CCM2L: variants seen among roughly 807,000 people sequenced by gnomAD.
CCM2L encodes the protein CCM2 like scaffold protein, also known as cerebral cavernous malformations 2 protein-like.
CCM2L carries 36 observed loss-of-function variants against 54.1 expected under a neutral mutation model. The observed-to-expected ratio is 0.67, with a 90% CI of 0.51 to 0.88. The LOEUF is 0.88. Ranked by LOEUF, CCM2L falls within the 40% of genes least tolerant of loss-of-function variation. CCM2L has a pLI of 0.00. For synonymous variants in CCM2L, 351 were observed against 359.3 expected, an observed-to-expected ratio of 0.98 and a Z score of 0.26; for missense variants, 700 against 812.1, an observed-to-expected ratio of 0.86 and a Z score of 1.68.
chr20:32,029,741 G>T lies in CCM2L; in HGVS notation c.1305G>T (p.Ala435=), dbSNP rs752352558. The change falls in exon 9 of 10, where the codon GCG becomes GCT. Residue 435 remains alanine, a synonymous_variant. Transcript: ENST00000452892. ...KLGPLEIQQF[A]MLLREYRLGL... ...GGCCCCTCGAGATCCAGCAGTTTGC[G>T]ATGCTGCTGCGGGAGTACCGGCTGG... The T allele has an allele frequency of 2.5e-6, 4 of 1,613,320 alleles. No individual in the cohort carries two copies. In the Admixed American group the frequency reaches 6.7e-5, roughly 27 times the overall value.
chr20:32,029,718 C>A lies in CCM2L; in HGVS notation c.1282C>A (p.Pro428Thr), dbSNP rs2064901452. ...YMVTLRSKLG[P>T]LEIQQFAMLL... The stretch of plus-strand genomic sequence containing the variant: ...CACATAGTTGCGGAGTAAGCTGGGG[C>A]CCCTCGAGATCCAGCAGTTTGCGAT... The change falls in exon 9 of 10, where the codon CCC (proline) becomes ACC (threonine). Residue 428 changes from proline (P) to threonine (T), a missense_variant. Coordinates refer to ENST00000452892, the MANE Select transcript of CCM2L (RefSeq NM_001365692.1). 3 of 1,611,160 alleles carry A rather than the reference C, an allele frequency of 1.9e-6. No individual in the cohort carries two copies. Among genetic ancestry groups the A allele is most frequent in the South Asian group, 1.1e-5 (1 of 90,744 alleles).
chr20:32,019,342 C>G lies in CCM2L; in HGVS notation c.866C>G (p.Pro289Arg). 1 of 1,470,356 alleles carries G rather than the reference C, an allele frequency of 6.8e-7. No individual in the cohort carries two copies. Among genetic ancestry groups the G allele is most frequent in the Non-Finnish European group, 9.0e-7 (1 of 1,114,798 alleles). The allele number at this position is 1,470,356 out of a possible 1,614,324, so 91.1% of individuals were successfully genotyped here. The change falls in exon 5 of 10, where the codon CCG becomes CGG. Residue 289 changes from proline to arginine, a missense_variant. Transcript: ENST00000452892. ...SWERRHPGPN[P>R]LDPQDPSPDA... ...GAGCGGCGCCACCCCGGCCCCAACC[C>G]GCTCGACCCGCAGGACCCCAGCCCC...
intron 1 of CCM2L, among the ~76,000 whole-genome samples, chr20:32,012,088 T>C (rs2064700293): frequency 6.6e-6 from 1 of 151,994 alleles, no homozygotes; most frequent in Non-Finnish European, 1.5e-5. Flanking sequence ...GCATGCTTTC[T>C]CCCAGATAGT....
At chr20:32,026,465 CT>C (rs1324605783) in intron 7 of CCM2L, among the ~76,000 whole-genome samples, 2 of 152,122 alleles carry the variant, frequency 1.3e-5, no homozygotes, top group Non-Finnish European at 2.9e-5. Flanking sequence ...TAAGGGGCCT[CT>C]TTAAAGAGTT....
Position 32,017,895 on chromosome 20 carries a change from G to GGGAGGGA in CCM2L, c.282+19_282+25dup. On this transcript the variant is annotated intron_variant, in intron 3 of 9. Transcript: ENST00000452892. Reference sequence around the variant, plus strand: ...TAGACACCGCCAGGGTGAGACTCTGGGGAGGGAGGAGGGCAGGATCTCGCT... The same window carrying GGGAGGGA: ...TAGACACCGCCAGGGTGAGACTCTGGGGAGGGAGGAGGGAGGAGGGCAGGATCTCGCT... 2 of 1,613,828 alleles carry GGGAGGGA rather than the reference G, an allele frequency of 1.2e-6. No homozygotes were observed. Among genetic ancestry groups the GGGAGGGA allele is most frequent in the Non-Finnish European group, 1.7e-6 (2 of 1,179,954 alleles).
rs1469379582 is a variant in CCM2L, at chr20:32,025,927, C to T, written c.1133+8C>T. On this transcript the variant is annotated splice_region_variant and intron_variant, in intron 7 of 9. Transcript: ENST00000452892. ...CAGCTGCTGCAGCTCCTTGTGAGTA[C>T]AGCCCCTGTCAGGGACTCCACCCTG... is the stretch of plus-strand genomic sequence containing the variant. The T allele has an allele frequency of 7.7e-7, 1 of 1,304,000 alleles. No individual in the cohort carries two copies. Among genetic ancestry groups the T allele is most frequent in the African/African-American group, 1.5e-5 (1 of 65,990 alleles). The allele number at this position is 1,304,000 out of a possible 1,614,324, so 80.8% of individuals were successfully genotyped here.
chr20:32,025,762 C>A, intron 6 of CCM2L, 94 bp from the exon 7 acceptor site: 2 of 903,670 alleles, frequency 2.2e-6, no homozygotes, highest in Non-Finnish European at 3.1e-6. Flanking sequence ...CAGGACTAGA[C>A]TTCAGGCTGA....
chr20:32,011,327 G>T (rs772730870), intron 1 of CCM2L, among the ~76,000 whole-genome samples: 2 of 152,100 alleles, frequency 1.3e-5, no homozygotes, highest in African/African-American at 2.4e-5. Flanking sequence ...TAGAAGGGCC[G>T]GGTGCAGTGG....
At chr20:32,012,108 T>C (rs1425359413) in intron 1 of CCM2L, among the ~76,000 whole-genome samples, 1 of 152,016 alleles carries the variant, frequency 6.6e-6, no homozygotes, top group Non-Finnish European at 1.5e-5. Context: ...TTTCTTCTCA[T>C]TCCTTAAAGT....
intron 1 of CCM2L, 93 bp downstream of exon 1, chr20:32,010,577 G>T: frequency 9.3e-7 from 1 of 1,076,568 alleles, no homozygotes; most frequent in South Asian, 1.4e-5. Context: ...TCGGTAGCGA[G>T]GGGCATAAGT....
intron 4 of CCM2L, among the ~76,000 whole-genome samples, chr20:32,018,605 G>A (rs994818214): frequency 1.3e-5 from 2 of 152,080 alleles, no homozygotes; most frequent in African/African-American, 4.8e-5. Context: ...CTGAAACCCG[G>A]GACTGGGTCC....
chr20:32,026,225 T>C (rs1018853589), intron 7 of CCM2L, among the ~76,000 whole-genome samples: 1 of 152,234 alleles, frequency 6.6e-6, no homozygotes, highest in Non-Finnish European at 1.5e-5. Context: ...TATCTTGGCT[T>C]AATTTTGGTT....
intron 4 of CCM2L, 57 bp downstream of exon 4, chr20:32,018,219 C>T (rs1423697775): frequency 0.043 from 399 of 9,222 alleles, 18 homozygotes; most frequent in African/African-American, 0.26. Context: ...GGGGGAGGGG[C>T]GGGGGCGGGG....
intron 6 of CCM2L, 24 bp from the exon 7 acceptor site, chr20:32,025,832 A>C: frequency 6.9e-6 from 9 of 1,302,352 alleles, no homozygotes; most frequent in Non-Finnish European, 9.1e-6. Context: ...TGCCTCTGAC[A>C]GTCCCTCTGT....
At position 32,019,184 on chromosome 20, in the gene CCM2L, C is replaced by T; in HGVS notation, c.708C>T (p.Ser236=). 8.9e-7 allele frequency: 1 copy of T among 1,126,500 alleles called. No homozygotes were observed. Among genetic ancestry groups the T allele is most frequent in the South Asian group, 4.4e-5 (1 of 22,958 alleles). 69.8% of individuals were successfully genotyped at this position (1,126,500 alleles called of 1,614,324 possible). Residue 236 remains serine, a synonymous_variant, in exon 5 of 10, where the codon AGC becomes AGT. Coordinates refer to ENST00000452892, the MANE Select transcript of CCM2L (RefSeq NM_001365692.1). ...RQRAGARASG[S]WERRQTFSGS... The stretch of plus-strand genomic sequence containing the variant: ...GCGCCGGGGCGCGGGCGTCGGGCAG[C>T]TGGGAGCGACGGCAGACGTTCAGCG...
intron 1 of CCM2L, among the ~76,000 whole-genome samples, chr20:32,012,765 C>A (rs2064705203): frequency 6.6e-6 from 1 of 152,212 alleles, no homozygotes; most frequent in Admixed American, 6.5e-5. Context: ...ATCCTCAGCA[C>A]CCAGCAGAGT....
At chr20:32,019,460 TC>T (rs1335732515) in intron 5 of CCM2L, 51 bp downstream of exon 5, 24 of 1,330,974 alleles carry the variant, frequency 1.8e-5, no homozygotes, top group Non-Finnish European at 5.9e-6. Context: ...GAACGCTGCT[TC>T]CCCGCCCCCA....
Position 32,030,991 on chromosome 20 carries a change from C to T in CCM2L, c.1403-10C>T. On this transcript the variant is annotated splice_polypyrimidine_tract_variant and intron_variant, in intron 9 of 9. Transcript: ENST00000452892. ...TGTCCTGGGGACTCACCATGCCCCT[C>T]GGCTCGCAGGGATGCGGCCCTTCAT... is the stretch of plus-strand genomic sequence containing the variant. 1 of 1,303,936 alleles carries T rather than the reference C, an allele frequency of 7.7e-7. No individual in the cohort carries two copies. 80.8% of individuals were successfully genotyped at this position (1,303,936 alleles called of 1,614,324 possible).
chr20:32,012,081 T>C (rs1014635861), intron 1 of CCM2L, among the ~76,000 whole-genome samples: 1 of 151,988 alleles, frequency 6.6e-6, no homozygotes, highest in African/African-American at 2.4e-5. Context: ...CTGCTTGGCA[T>C]GCTTTCTCCC....
Sources: gnomAD v4.1 joint callset for allele counts (sites outside exome capture counted in the v4.1 genomes callset) on GRCh38, gnomAD v4.1.1 for gene constraint, MANE v1.5 for transcripts, NCBI Gene and HGNC (gene_info 2026-07-23, HGNC 2026-07-21) for gene names.